TIAM2: variants seen among roughly 807,000 people sequenced by gnomAD.
TIAM2 encodes the protein rho guanine nucleotide exchange factor TIAM2.
TIAM2 carries 80 observed loss-of-function variants against 152.9 expected under a neutral mutation model. The observed-to-expected ratio is 0.52, with a 90% CI of 0.44 to 0.63. The LOEUF is 0.63. Ranked by LOEUF, TIAM2 falls within the 30% of genes least tolerant of loss-of-function variation. The pLI is 0.00. For synonymous variants in TIAM2, 804 were observed against 838.0 expected (o/e 0.96, Z 0.70); for missense variants, 1,965 against 2,120.1 (o/e 0.93, Z 1.44).
At chr6:155,021,778 G>A (rs577654635) in intron 1 of TIAM2, among the ~76,000 whole-genome samples, 37 of 152,260 alleles carry the variant, frequency 2.4e-4, no homozygotes, top group African/African-American at 8.7e-4. Context: ...GCTTGTTACT[G>A]TCAAAGGTAG....
chr6:155,222,613 CA>C (rs747319725), intron 15 of TIAM2, among the ~76,000 whole-genome samples: 1 of 85,282 alleles, frequency 1.2e-5, no homozygotes, highest in African/African-American at 3.2e-5. Context: ...AAACAAAAAA[CA>C]AACAAAAAAA....
intron 10 of TIAM2, among the ~76,000 whole-genome samples, chr6:155,177,941 G>A (rs928769577): frequency 1.3e-5 from 2 of 151,922 alleles, no homozygotes; most frequent in Non-Finnish European, 2.9e-5. Context: ...TGGGGAGGCC[G>A]AGGAGGTCAG....
Position 155,244,018 on chromosome 6 carries a change from G to C in TIAM2, c.3356G>C (p.Ser1119Thr), listed in dbSNP as rs747082524. 1.2e-6 allele frequency: 2 copies of C among 1,614,042 alleles called. No individual in the cohort carries two copies. Among genetic ancestry groups the C allele is most frequent in the South Asian group, 1.1e-5 (1 of 91,074 alleles). Reference protein sequence around the residue: ...DTEKSYVKDLSCLFELYLEPL... With the variant: ...DTEKSYVKDLTCLFELYLEPL... Reference sequence around the variant, plus strand: ...TCTTCTATTTTCTTTCAGGATTTGAGCTGCCTCTTTGAATTATACTTGGAG... The same window carrying C: ...TCTTCTATTTTCTTTCAGGATTTGACCTGCCTCTTTGAATTATACTTGGAG... Residue 1119 changes from serine (S) to threonine (T), a missense_variant, in exon 17 of 27, where the codon AGC (serine) becomes ACC (threonine). By Grantham distance (58) the Ser-to-Thr change is moderately conservative. Transcript: ENST00000682666.
intron 2 of TIAM2, among the ~76,000 whole-genome samples, chr6:155,120,356 A>C (rs1240759045): frequency 1.3e-5 from 2 of 152,118 alleles, no homozygotes; most frequent in African/African-American, 4.8e-5. Context: ...CTTTCTGCTC[A>C]CTTTTTTTGT....
chr6:155,111,335 ACACT>A (rs1245276440), intron 2 of TIAM2, among the ~76,000 whole-genome samples: 1 of 141,700 alleles, frequency 7.1e-6, no homozygotes, highest in Non-Finnish European at 1.6e-5. Context: ...ACACACACAC[ACACT>A]CTCCGTTGAA....
chr6:155,158,385 A>G (rs935961260), intron 7 of TIAM2, among the ~76,000 whole-genome samples: 3 of 152,188 alleles, frequency 2.0e-5, no homozygotes, highest in Admixed American at 6.5e-5. Flanking sequence ...ATTTGTGCCA[A>G]TGTTTAAAAA....
Position 155,255,994 on chromosome 6 carries a change from A to G in TIAM2, c.4469-490A>G, listed in dbSNP as rs536847813. The G allele has an allele frequency of 2.4e-4, 47 of 194,674 alleles. 1 individual carries two copies. In the South Asian group the frequency reaches 3.2e-3, roughly 13 times the overall value. 12.1% of individuals were successfully genotyped at this position (194,674 alleles called of 1,614,324 possible). On this transcript the variant is annotated intron_variant, in intron 26 of 26. Coordinates refer to ENST00000682666, the MANE Select transcript of TIAM2 (RefSeq NM_012454.4). ...CACTGCACTCCAGCCTGGGTGGCAG[A>G]GCAAGACACTGTCTTTAAAAAAAAA...
At chr6:155,151,990 G>A (rs1345005493) in intron 7 of TIAM2, among the ~76,000 whole-genome samples, 1 of 151,566 alleles carries the variant, frequency 6.6e-6, no homozygotes. Flanking sequence ...GATTACAGGC[G>A]CCCGCCACCA....
intron 1 of TIAM2, among the ~76,000 whole-genome samples, chr6:155,032,049 A>G (rs1355871255): frequency 6.6e-6 from 1 of 152,192 alleles, no homozygotes; most frequent in Non-Finnish European, 1.5e-5. Context: ...AACCTCTCAA[A>G]GTATAGCGTG....
chr6:155,172,662 ATATATATATATATATATATATATATTT>A (rs1780625586), intron 9 of TIAM2, among the ~76,000 whole-genome samples: 1 of 8,932 alleles, frequency 1.1e-4, no homozygotes, highest in Non-Finnish European at 3.6e-4. Context: ...ATATATATAT[ATATATATATATATATATATATATATTT>A]TTTTTTTTTT....
At chr6:155,217,147 A>G in intron 15 of TIAM2, 1 of 1,283,604 alleles carries the variant, frequency 7.8e-7, no homozygotes, top group Non-Finnish European at 1.0e-6. Context: ...AAATGTAGGC[A>G]TGCTTGCACG....
chr6:155,148,015 C>G (rs1415262712), intron 6 of TIAM2, 95 bp from the exon 7 acceptor site: 2 of 1,248,596 alleles, frequency 1.6e-6, no homozygotes, highest in Admixed American at 3.5e-5. Context: ...GCAAGTACTT[C>G]TTGGGTTTTG....
At chr6:155,177,271 G>A (rs1018781464) in intron 10 of TIAM2, among the ~76,000 whole-genome samples, 4 of 152,090 alleles carry the variant, frequency 2.6e-5, no homozygotes, top group East Asian at 1.9e-4. Flanking sequence ...TATGAAATCC[G>A]TTGCTATTTA....
At chr6:155,237,147 T>A (rs1782805304) in intron 15 of TIAM2, among the ~76,000 whole-genome samples, 1 of 152,216 alleles carries the variant, frequency 6.6e-6, no homozygotes, top group Non-Finnish European at 1.5e-5. Flanking sequence ...ATACAGCCAT[T>A]CCAAATGGGA....
chr6:155,039,425 G>T (rs545348278), intron 1 of TIAM2, among the ~76,000 whole-genome samples: 1 of 152,118 alleles, frequency 6.6e-6, no homozygotes, highest in East Asian at 1.9e-4. Context: ...TCTTGCATGG[G>T]TCTTGTCTGG....
chr6:155,170,952 GT>G (rs971903326), intron 9 of TIAM2, among the ~76,000 whole-genome samples: 7 of 152,168 alleles, frequency 4.6e-5, no homozygotes, highest in African/African-American at 1.7e-4. Flanking sequence ...AGAACTAAGG[GT>G]GTAATTTGTT....
chr6:155,029,350 A>G (rs1395548450), intron 1 of TIAM2, among the ~76,000 whole-genome samples: 1 of 90,830 alleles, frequency 1.1e-5, no homozygotes, highest in Non-Finnish European at 2.1e-5. Context: ...TATAATATAT[A>G]TACGTTATAT....
chr6:155,141,038 C>T (rs1779691754), intron 5 of TIAM2, among the ~76,000 whole-genome samples: 1 of 152,154 alleles, frequency 6.6e-6, no homozygotes. Context: ...CTTCTGGCTA[C>T]CAACTTCAGG....
chr6:155,129,090 T>TA lies in TIAM2; in HGVS notation c.-6-127dup. The TA allele has an allele frequency of 1.2e-6, 1 of 817,416 alleles. No individual in the cohort carries two copies. The highest frequency in any genetic ancestry group is 2.7e-5 in the Admixed American group (1 of 37,014). 50.6% of individuals were successfully genotyped at this position (817,416 alleles called of 1,614,324 possible). A position where few individuals can be genotyped will look rare whatever the true frequency, so the allele number is the denominator to read the frequency against. Reference sequence around the variant, plus strand: ...TGTTCTACTGACTGACTCTTGTCCCTACTCCTCTGAGTCCTTCCAGGCACT... The same window carrying TA: ...TGTTCTACTGACTGACTCTTGTCCCTAACTCCTCTGAGTCCTTCCAGGCACT... On this transcript the variant is annotated intron_variant, in intron 3 of 26. Transcript: ENST00000682666. This position sits in a 1 kb window ranked among gnomAD's most constrained non-coding sequence, Gnocchi z 4.8.
Sources: gnomAD v4.1 joint callset for allele counts (sites outside exome capture counted in the v4.1 genomes callset) on GRCh38, gnomAD v4.1.1 for gene constraint, Gnocchi (gnomAD v3.1) non-coding constraint, MANE v1.5 for transcripts, NCBI Gene and HGNC (gene_info 2026-07-23, HGNC 2026-07-21) for gene names.